Variants in USP35 observed in about 807,000 individuals in gnomAD.
The protein encoded by USP35 is ubiquitin specific peptidase 35, also known as ubiquitin carboxyl-terminal hydrolase 35.
Under a neutral mutation model 83.8 loss-of-function variants are expected in USP35, and 69 were observed. That is an observed-to-expected ratio of 0.82 (90% CI 0.68 to 1.01). The LOEUF is 1.01. USP35 is among the 50% of genes least tolerant of loss of function. The pLI, the probability that USP35 is intolerant of heterozygous loss-of-function variation, is 0.00. For synonymous variants in USP35, 714 were observed against 589.5 expected, an observed-to-expected ratio of 1.21 and a Z score of -3.06; for missense variants, 1,503 against 1,362.5, an observed-to-expected ratio of 1.10 and a Z score of -1.62.
chr11:78,194,616 C>G (rs1471593750), intron 1 of USP35, among the ~76,000 whole-genome samples: 1 of 152,192 alleles, frequency 6.6e-6, no homozygotes, highest in African/African-American at 2.4e-5. Flanking sequence ...CCATGTGAAC[C>G]TGCATGAGAG....
Position 78,210,238 on chromosome 11 carries a change from G to A in USP35, c.2383G>A (p.Val795Met), listed in dbSNP as rs777733286. The A allele has an allele frequency of 1.2e-6, 2 of 1,614,096 alleles. No individual in the cohort carries two copies. The highest frequency in any genetic ancestry group is 2.2e-5 in the East Asian group (1 of 44,872). The change falls in exon 10 of 11, where the codon GTG becomes ATG. Residue 795 changes from valine to methionine, a missense_variant. Coordinates refer to ENST00000529308, the MANE Select transcript of USP35 (RefSeq NM_020798.4). The stretch of plus-strand genomic sequence containing the variant: ...CTCCCTGCAGGATGCCGAGAAGGTG[G>A]TGGAGCTGAGCCAAGGGCCGTGCTA... ...CASLQDAEKV[V>M]ELSQGPCYLI...
At position 78,196,380 on chromosome 11, in the gene USP35, C is replaced by G. The variant is rs1212325461; in HGVS notation, c.135C>G (p.Gly45=). The G allele has an allele frequency of 6.7e-7, 1 of 1,489,058 alleles. No individual in the cohort carries two copies. The highest frequency in any genetic ancestry group is 1.5e-5 in the African/African-American group (1 of 67,722). The allele number at this position is 1,489,058 out of a possible 1,614,324, so 92.2% of individuals were successfully genotyped here. A position where few individuals can be genotyped will look rare whatever the true frequency, so the allele number is the denominator to read the frequency against. Residue 45 remains glycine (G), a synonymous_variant, in exon 2 of 11, where the codon GGC becomes GGG. Coordinates refer to ENST00000529308, the MANE Select transcript of USP35 (RefSeq NM_020798.4). This position sits in a 1 kb window ranked among gnomAD's most constrained non-coding sequence, Gnocchi z 4.8. ...AGTGCCTGGCGCTGCTGGCGCTGGG[C>G]GCGCGCCTCTACGTGGGCGGCGCGG... ...REQCLALLAL[G]ARLYVGGAEE...
At position 78,214,105 on chromosome 11, in the gene USP35, C is replaced by CCATGCGGGAAGATCT; in HGVS notation, c.*293_*307dup. The CCATGCGGGAAGATCT allele has an allele frequency of 3.1e-6, 1 of 322,794 alleles. No individual in the cohort carries two copies. Among genetic ancestry groups the CCATGCGGGAAGATCT allele is most frequent in the Non-Finnish European group, 5.6e-6 (1 of 177,618 alleles). 20.0% of individuals were successfully genotyped at this position (322,794 alleles called of 1,614,324 possible). ...TCCCCCTCCTTCCCTAGCAGGCTCC[C>CCATGCGGGAAGATCT]CATGCGGGAAGATCTGATGATGTTC... On this transcript the variant is annotated 3_prime_UTR_variant, in exon 11 of 11. Coordinates refer to ENST00000529308, the MANE Select transcript of USP35 (RefSeq NM_020798.4).
intron 8 of USP35, 117 bp from the exon 9 acceptor site, chr11:78,208,740 G>A (rs1445238180): frequency 2.7e-6 from 3 of 1,094,324 alleles, no homozygotes; most frequent in Non-Finnish European, 4.1e-6. Context: ...CCTCATGGAG[G>A]AGGCCAGGAA....
chr11:78,219,889 G>A (rs2511171), downstream of USP35, among the ~76,000 whole-genome samples: 26,721 of 152,150 alleles, frequency 0.18, 2,678 homozygotes, highest in East Asian at 0.39. Flanking sequence ...CTATAAGGAT[G>A]CCTCCTGGGG....
At chr11:78,236,151 G>T in the USP35 span, among the ~76,000 whole-genome samples, 5 of 152,180 alleles carry the variant, frequency 3.3e-5, no homozygotes, top group Admixed American at 6.5e-5. Flanking sequence ...GTGAAGAGGT[G>T]TTGCATGTTT....
At position 78,196,017 on chromosome 11, in the gene USP35, C is replaced by G. The variant is rs934497227; in HGVS notation, c.-10-219C>G. ...TGCTGGGATTACAGGTGTGAGTCAC[C>G]ACGCAGGCCCCTGGCATTTATTATG... On this transcript the variant is annotated intron_variant, in intron 1 of 10. Coordinates refer to ENST00000529308, the MANE Select transcript of USP35 (RefSeq NM_020798.4). The surrounding 1 kb of genome is among the most constrained non-coding windows in gnomAD (Gnocchi z 4.8). Among the ~76,000 whole-genome samples the G allele has an allele frequency of 1.3e-5, 2 of 152,208 alleles. No individual in the cohort carries two copies. Among genetic ancestry groups the G allele is most frequent in the Admixed American group, 6.5e-5 (1 of 15,278 alleles).
chr11:78,215,912 G>A (rs936824766), downstream of USP35: 1 of 152,704 alleles, frequency 6.5e-6, no homozygotes. Context: ...GGGGCCAGAG[G>A]GAGGATGAGC....
the USP35 span, among the ~76,000 whole-genome samples, chr11:78,223,256 C>G: frequency 6.6e-6 from 1 of 152,184 alleles, no homozygotes; most frequent in African/African-American, 2.4e-5. Context: ...TAGGAATTAC[C>G]ATCTGCATTT....
chr11:78,229,556 G>C, the USP35 span, among the ~76,000 whole-genome samples: 1 of 152,182 alleles, frequency 6.6e-6, no homozygotes, highest in East Asian at 1.9e-4. Context: ...ACTCAAGCCA[G>C]AAACCTGGGA....
the USP35 span, among the ~76,000 whole-genome samples, chr11:78,235,914 G>C: frequency 7.9e-5 from 12 of 152,106 alleles, no homozygotes; most frequent in African/African-American, 2.9e-4. Context: ...TATCTTTTCA[G>C]CAACGCCCCA....
At chr11:78,212,763 G>C (rs569463287) in intron 10 of USP35, among the ~76,000 whole-genome samples, 1 of 152,144 alleles carries the variant, frequency 6.6e-6, no homozygotes. Context: ...GAGAGTTGCT[G>C]AAGTTGCTTA....
chr11:78,207,700 C>G (rs1461755172), intron 8 of USP35, 77 bp downstream of exon 8: 1 of 1,416,718 alleles, frequency 7.1e-7, no homozygotes, highest in East Asian at 2.3e-5. Context: ...TTCCCTTCCC[C>G]AGGACCTGCC....
At chr11:78,233,464 T>G in the USP35 span, among the ~76,000 whole-genome samples, 5 of 152,262 alleles carry the variant, frequency 3.3e-5, no homozygotes, top group African/African-American at 7.2e-5. Context: ...TCTTTTTTTG[T>G]TGAAGAATCT....
Position 78,214,915 on chromosome 11 carries a change from C to CT in USP35, c.*1103dup, listed in dbSNP as rs1864041726. Among the ~76,000 whole-genome samples, 1 of 152,096 alleles carries CT rather than the reference C, an allele frequency of 6.6e-6. No individual in the cohort carries two copies. Among genetic ancestry groups the CT allele is most frequent in the Non-Finnish European group, 1.5e-5 (1 of 68,016 alleles). The stretch of plus-strand genomic sequence containing the variant: ...TTACCTTACTGAGGGCTGGGTGATG[C>CT]TGCCCGTGGAGAGGATGCACCTGGG... On this transcript the variant is annotated 3_prime_UTR_variant, in exon 11 of 11. Coordinates refer to ENST00000529308, the MANE Select transcript of USP35 (RefSeq NM_020798.4).
intron 10 of USP35, among the ~76,000 whole-genome samples, chr11:78,212,277 T>C (rs1863813302): frequency 6.6e-6 from 1 of 152,214 alleles, no homozygotes; most frequent in Non-Finnish European, 1.5e-5. Flanking sequence ...GTGAGTTCTC[T>C]ATTCTGTTCC....
At position 78,189,108 on chromosome 11, in the gene USP35, G is replaced by A; in HGVS notation, c.-60G>A. On this transcript the variant is annotated 5_prime_UTR_variant, in exon 1 of 11. Coordinates refer to ENST00000529308, the MANE Select transcript of USP35 (RefSeq NM_020798.4). ...GCCGGGCCCAGCCTCGTCCTGCCCG[G>A]CCTGAGCGCCCCGCCCAGCAGCCGG... 1 of 358,338 alleles carries A rather than the reference G, an allele frequency of 2.8e-6. No individual in the cohort carries two copies. The highest frequency in any genetic ancestry group is 3.9e-6 in the Non-Finnish European group (1 of 256,790). The allele number at this position is 358,338 out of a possible 1,614,324, so 22.2% of individuals were successfully genotyped here. A position where few individuals can be genotyped will look rare whatever the true frequency, so the allele number is the denominator to read the frequency against.
In USP35 at chr11:78,198,167, A is replaced by G. The variant is rs553538383; in HGVS notation, c.806+99A>G. ...GGGTGGGCCGCTGGGCTAGATTTGGAGTCAGAGGGCCCAGGCCCTCATGTG... is the reference window on the plus strand; with the variant it reads ...GGGTGGGCCGCTGGGCTAGATTTGGGGTCAGAGGGCCCAGGCCCTCATGTG... On this transcript the variant is annotated intron_variant, in intron 3 of 10. Transcript: ENST00000529308. 11 of 1,550,526 alleles carry G rather than the reference A, an allele frequency of 7.1e-6. No homozygotes were observed. The African/African-American group carries it at 1.1e-4, about 15-fold the overall frequency.
Position 78,210,370 on chromosome 11 carries a change from G to A in USP35, c.2515G>A (p.Gly839Ser). Residue 839 changes from glycine to serine, a missense_variant, in exon 10 of 11, where the codon GGT becomes AGT. Coordinates refer to ENST00000529308, the MANE Select transcript of USP35 (RefSeq NM_020798.4). ...IPLLLRLPLA[G>S]GRGQAYDLCS... ...CCTGCTGCTCCGCCTGCCACTGGCT[G>A]GTGGCCGTGGCCAGGCCTATGACCT... is the stretch of plus-strand genomic sequence containing the variant. The A allele has an allele frequency of 6.2e-7, 1 of 1,613,598 alleles. No homozygotes were observed. Among genetic ancestry groups the A allele is most frequent in the Non-Finnish European group, 8.5e-7 (1 of 1,179,942 alleles).
Sources: gnomAD v4.1 joint callset for allele counts (sites outside exome capture counted in the v4.1 genomes callset) on GRCh38, gnomAD v4.1.1 for gene constraint, Gnocchi (gnomAD v3.1) non-coding constraint, MANE v1.5 for transcripts, NCBI Gene and HGNC (gene_info 2026-07-23, HGNC 2026-07-21) for gene names.